TOP6BL: variants seen among roughly 807,000 people sequenced by gnomAD.
TOP6BL encodes type 2 DNA topoisomerase 6 subunit B-like.
the TOP6BL span, among the ~76,000 whole-genome samples, chr11:66,837,158 ACT>A: frequency 3.3e-5 from 5 of 150,392 alleles, no homozygotes; most frequent in South Asian, 1.1e-3. Flanking sequence ...ACAGAGTCTC[ACT>A]CTGTCGCCCA....
chr11:66,795,779 T>C, the TOP6BL span: 2 of 152,132 alleles, frequency 1.3e-5, no homozygotes, highest in Non-Finnish European at 2.9e-5. Context: ...CTTCTGACTT[T>C]TGAGCTTTTT....
chr11:66,748,272 AT>A, the TOP6BL span: 1 of 909,664 alleles, frequency 1.1e-6, no homozygotes, highest in Non-Finnish European at 1.6e-6. Flanking sequence ...CAAGAATACA[AT>A]TTTTGGGGGG....
At chr11:66,835,685 C>T in the TOP6BL span, among the ~76,000 whole-genome samples, 1 of 152,158 alleles carries the variant, frequency 6.6e-6, no homozygotes, top group African/African-American at 2.4e-5. Flanking sequence ...CTTTATGTGC[C>T]TTCTTTCATT....
chr11:66,803,639 G>T, the TOP6BL span, among the ~76,000 whole-genome samples: 2 of 152,108 alleles, frequency 1.3e-5, no homozygotes, highest in African/African-American at 4.8e-5. Flanking sequence ...TGGCCAGGTT[G>T]GTCTTGAACT....
chr11:66,832,385 C>A, the TOP6BL span, among the ~76,000 whole-genome samples: 40 of 152,304 alleles, frequency 2.6e-4, 1 homozygote, highest in African/African-American at 9.4e-4. Flanking sequence ...CAGGCATGAG[C>A]CACCGCGCTA....
At chr11:66,791,570 T>A in the TOP6BL span, among the ~76,000 whole-genome samples, 4 of 152,196 alleles carry the variant, frequency 2.6e-5, no homozygotes, top group African/African-American at 7.2e-5. Context: ...CATGACTGTA[T>A]AAGTTCATAT....
chr11:66,813,871 C>T, the TOP6BL span: 3 of 1,613,716 alleles, frequency 1.9e-6, no homozygotes, highest in East Asian at 4.5e-5. Context: ...ACACATATTT[C>T]TATATGGACC....
At chr11:66,839,210 A>C in the TOP6BL span, 1 of 456,250 alleles carries the variant, frequency 2.2e-6, no homozygotes, top group Non-Finnish European at 4.4e-6. Flanking sequence ...GATGCCAGGT[A>C]CTATTCTGAG....
the TOP6BL span, among the ~76,000 whole-genome samples, chr11:66,839,559 C>T: frequency 1.3e-5 from 2 of 152,212 alleles, no homozygotes; most frequent in African/African-American, 2.4e-5. Flanking sequence ...ACAACACATA[C>T]GCGTTTATGC....
the TOP6BL span, among the ~76,000 whole-genome samples, chr11:66,778,093 C>CTTTTT: frequency 7.3e-6 from 1 of 137,270 alleles, no homozygotes; most frequent in Non-Finnish European, 1.6e-5. Context: ...TCTTTTCTTT[C>CTTTTT]TTTTTTTTTT....
the TOP6BL span, chr11:66,843,403 A>C: frequency 7.0e-7 from 1 of 1,425,530 alleles, no homozygotes; most frequent in Non-Finnish European, 9.1e-7. Flanking sequence ...GCCTGACGTC[A>C]CCCACACCTC....
At chr11:66,842,367 C>A in the TOP6BL span, among the ~76,000 whole-genome samples, 10 of 152,314 alleles carry the variant, frequency 6.6e-5, no homozygotes, top group African/African-American at 2.4e-4. Flanking sequence ...TGATCTGCAT[C>A]CCCAAGACCT....
chr11:66,823,758 A>G, the TOP6BL span, among the ~76,000 whole-genome samples: 2 of 152,204 alleles, frequency 1.3e-5, no homozygotes, highest in African/African-American at 4.8e-5. Flanking sequence ...TGGAGGTTGC[A>G]GTGAGCCAAG....
chr11:66,808,004 T>C, the TOP6BL span, among the ~76,000 whole-genome samples: 6 of 152,238 alleles, frequency 3.9e-5, no homozygotes, highest in African/African-American at 1.2e-4. Context: ...TAGTTCTAGA[T>C]GTTTTATAGA....
At chr11:66,764,765 C>G in the TOP6BL span, among the ~76,000 whole-genome samples, 1 of 151,728 alleles carries the variant, frequency 6.6e-6, no homozygotes, top group Non-Finnish European at 1.5e-5. Flanking sequence ...ATTGCTCGAG[C>G]CTTGGGCAGC....
At chr11:66,745,686 T>C in the TOP6BL span, among the ~76,000 whole-genome samples, 22 of 152,370 alleles carry the variant, frequency 1.4e-4, no homozygotes, top group Admixed American at 1.2e-3. Context: ...GGCGGCGGGA[T>C]TCCATTTTAC....
chr11:66,759,137 C>A, the TOP6BL span: 2 of 1,272,064 alleles, frequency 1.6e-6, no homozygotes, highest in South Asian at 1.8e-5. Context: ...AATATCTTCC[C>A]GACAATTAAT....
chr11:66,781,165 C>T, the TOP6BL span, among the ~76,000 whole-genome samples: 2 of 152,052 alleles, frequency 1.3e-5, no homozygotes, highest in South Asian at 2.1e-4. Flanking sequence ...TCCTATCCTC[C>T]TTCTGGGACT....
chr11:66,838,426 C>T, the TOP6BL span: 2 of 1,613,860 alleles, frequency 1.2e-6, no homozygotes, highest in Non-Finnish European at 1.7e-6. Context: ...CTGATAACAG[C>T]AGCCTGGAGC....
Sources: allele counts gnomAD v4.1 joint callset (sites outside exome capture counted in the v4.1 genomes callset), GRCh38; gene constraint gnomAD v4.1.1; transcripts MANE v1.5; gene names NCBI Gene and HGNC (gene_info 2026-07-23, HGNC 2026-07-21).